The following FAM193A variants were observed in gnomAD, a reference collection of about 807,000 sequenced individuals.
FAM193A encodes protein FAM193A.
Under a neutral mutation model 126.5 loss-of-function variants are expected in FAM193A, and 22 were observed. The ratio of observed to expected loss-of-function variants is 0.17; its 90% CI spans 0.12 to 0.25. The LOEUF (loss-of-function observed/expected upper bound fraction) is 0.25. Ranked by LOEUF, FAM193A falls within the 10% of genes least tolerant of loss-of-function variation. The pLI is 1.00. For synonymous variants in FAM193A, 761 were observed against 646.8 expected, an observed-to-expected ratio of 1.18 and a Z score of -2.68; for missense variants, 1,675 against 1,672.8, an observed-to-expected ratio of 1.00 and a Z score of -0.02.
In FAM193A at chr4:2,694,014, C is replaced by T. The variant is rs181909125; in HGVS notation, c.3092+140C>T. ...TGCCGAGGGAATGCAGGGATGTCCC[C>T]AGCAGAGGCCATGGGTAGAGGGGGG... On this transcript the variant is annotated intron_variant, in intron 16 of 20. Coordinates refer to ENST00000637812, the MANE Select transcript of FAM193A (RefSeq NM_001366318.2). The T allele has an allele frequency of 1.0e-5, 9 of 896,064 alleles. No homozygotes were observed. The African/African-American group carries it at 1.0e-4, about 10-fold the overall frequency. 55.5% of individuals were successfully genotyped at this position (896,064 alleles called of 1,614,324 possible). A position where few individuals can be genotyped will look rare whatever the true frequency, so the allele number is the denominator to read the frequency against.
intron 19 of FAM193A, among the ~76,000 whole-genome samples, chr4:2,700,821 C>A (rs1388298792): frequency 1.3e-5 from 2 of 151,960 alleles, no homozygotes; most frequent in Non-Finnish European, 2.9e-5. Context: ...AAAAAATTAG[C>A]TGGGCTTGGT....
rs139146745 is a variant in FAM193A at position 2,696,757 on chromosome 4, C to T, written c.3507+164C>T. ...TGAGAGCCAGCCTGTCTCTGGTGGC[C>T]TGAACTGGAGACTGGTAAAAAACTT... On this transcript the variant is annotated intron_variant, in intron 18 of 20. Coordinates refer to ENST00000637812, the MANE Select transcript of FAM193A (RefSeq NM_001366318.2). Among the ~76,000 whole-genome samples the T allele has an allele frequency of 9.5e-4, 144 of 152,296 alleles. No individual in the cohort carries two copies. In the Middle Eastern group the frequency reaches 0.048, roughly 50 times the overall value.
At chr4:2,653,651 C>T (rs1248916786) in intron 7 of FAM193A, among the ~76,000 whole-genome samples, 1 of 152,118 alleles carries the variant, frequency 6.6e-6, no homozygotes, top group East Asian at 1.9e-4. Flanking sequence ...ACCCTGTTGG[C>T]CAGGATGGTC....
intron 1 of FAM193A, among the ~76,000 whole-genome samples, chr4:2,553,382 G>GTT (rs71178479): frequency 4.2e-4 from 50 of 119,588 alleles, no homozygotes; most frequent in African/African-American, 1.3e-3. Context: ...CCTTCTTTTT[G>GTT]TTTTTTTTTT....
intron 18 of FAM193A, among the ~76,000 whole-genome samples, chr4:2,698,727 C>A (rs1274889160): frequency 3.3e-5 from 5 of 152,188 alleles, no homozygotes. Flanking sequence ...TGACTCTCAT[C>A]TGCTTTCTGA....
At chr4:2,612,314 A>G (rs190465974) in intron 2 of FAM193A, among the ~76,000 whole-genome samples, 22 of 151,852 alleles carry the variant, frequency 1.4e-4, no homozygotes, top group Admixed American at 1.4e-3. Flanking sequence ...AGCCTGACCA[A>G]CATGGAGTAA....
intron 7 of FAM193A, among the ~76,000 whole-genome samples, chr4:2,647,147 G>GT (rs1308991501): frequency 3.4e-4 from 52 of 151,978 alleles, no homozygotes; most frequent in African/African-American, 1.2e-3. Context: ...CAGGTAGGAG[G>GT]TTTTTCTTTT....
At position 2,631,178 on chromosome 4, in the gene FAM193A, G is replaced by C. The variant is rs763881604; in HGVS notation, c.1038+9G>C. On this transcript the variant is annotated intron_variant, in intron 5 of 20. Transcript: ENST00000637812. ...CCTTCCTTGGCACTCTGGTAAGAGA[G>C]AAAACGTGTTTTTCTTTCTGTTTGG... 4 of 1,590,344 alleles carry C rather than the reference G, an allele frequency of 2.5e-6. No homozygotes were observed. The highest frequency in any genetic ancestry group is 3.4e-6 in the Non-Finnish European group (4 of 1,166,108).
At chr4:2,648,056 A>G (rs1052768836) in intron 7 of FAM193A, among the ~76,000 whole-genome samples, 1 of 151,592 alleles carries the variant, frequency 6.6e-6, no homozygotes, top group Non-Finnish European at 1.5e-5. Flanking sequence ...GCTGTTCTCT[A>G]CTGCAGCCAC....
At chr4:2,585,983 C>CCTGTA (rs1740211995) in intron 1 of FAM193A, among the ~76,000 whole-genome samples, 1 of 151,980 alleles carries the variant, frequency 6.6e-6, no homozygotes, top group African/African-American at 2.4e-5. Context: ...GTGGCTCATG[C>CCTGTA]CTGTAATCTC....
intron 10 of FAM193A, among the ~76,000 whole-genome samples, chr4:2,662,190 TAATAA>T (rs1013388531): frequency 5.9e-5 from 9 of 152,050 alleles, no homozygotes; most frequent in African/African-American, 1.4e-4. Context: ...CTCAAAAAAA[TAATAA>T]AATAAAATAA....
chr4:2,633,257 G>A (rs1743775254), intron 5 of FAM193A, among the ~76,000 whole-genome samples: 1 of 151,648 alleles, frequency 6.6e-6, no homozygotes, highest in Non-Finnish European at 1.5e-5. Context: ...AAATTAGCCG[G>A]GCATGGTGGC....
rs1262852795 is a variant in FAM193A at position 2,596,125 on chromosome 4, C to T, written c.297C>T (p.Tyr99=). 5.7e-6 allele frequency: 4 copies of T among 702,804 alleles called. No individual in the cohort carries two copies. Among genetic ancestry groups the T allele is most frequent in the East Asian group, 2.7e-5 (1 of 37,298 alleles). The allele number at this position is 702,804 out of a possible 1,614,324, so 43.5% of individuals were successfully genotyped here. ...GCATGAATCATAGGACACCACCCTA[C>T]CCTGCTGGGGATTATTGTCTTCTGT... The part of the protein sequence containing the change: ...SFGMNHRTPP[Y]PAGDYCLLCR... The change falls in exon 2 of 21, where the codon TAC becomes TAT. Residue 99 remains tyrosine, a synonymous_variant. Coordinates refer to ENST00000637812, the MANE Select transcript of FAM193A (RefSeq NM_001366318.2).
At chr4:2,614,910 C>G (rs1329855236) in intron 2 of FAM193A, among the ~76,000 whole-genome samples, 2 of 152,134 alleles carry the variant, frequency 1.3e-5, no homozygotes, top group Non-Finnish European at 2.9e-5. Flanking sequence ...TTTTTAATTT[C>G]CATAGGATCT....
chr4:2,583,835 C>T (rs1740084831), intron 1 of FAM193A, among the ~76,000 whole-genome samples: 1 of 152,172 alleles, frequency 6.6e-6, no homozygotes, highest in Non-Finnish European at 1.5e-5. Flanking sequence ...CCAGCAGGTT[C>T]AGAAACAGTC....
At chr4:2,720,752 C>T (rs1720049009) in intron 20 of FAM193A, among the ~76,000 whole-genome samples, 1 of 152,082 alleles carries the variant, frequency 6.6e-6, no homozygotes, top group South Asian at 2.1e-4. Flanking sequence ...CTCTCACTAT[C>T]CACAGATAAA....
Position 2,550,985 on chromosome 4 carries a change from A to G in FAM193A, c.255+13815A>G, listed in dbSNP as rs534614555. 2.6e-4 allele frequency among the ~76,000 whole-genome samples: 39 copies of G among 152,050 alleles called. 2 individuals carry two copies. The South Asian group carries it at 7.9e-3, about 31-fold the overall frequency. On this transcript the variant is annotated intron_variant, in intron 1 of 20. Coordinates refer to ENST00000637812, the MANE Select transcript of FAM193A (RefSeq NM_001366318.2). ...CTGGGTAATTTTTTATATTTTTAGT[A>G]GAGATGGGGTTTCACCATGTTAGCC...
At chr4:2,604,147 G>A (rs1271726998) in intron 2 of FAM193A, among the ~76,000 whole-genome samples, 1 of 152,266 alleles carries the variant, frequency 6.6e-6, no homozygotes, top group South Asian at 2.1e-4. Flanking sequence ...CCAGCCACTT[G>A]AATTACTTTT....
At chr4:2,586,312 G>A (rs896085978) in intron 1 of FAM193A, among the ~76,000 whole-genome samples, 1 of 151,886 alleles carries the variant, frequency 6.6e-6, no homozygotes, top group Non-Finnish European at 1.5e-5. Context: ...AGTGCTTTTG[G>A]TGTCTTGAAA....
Sources: allele counts gnomAD v4.1 joint callset (sites outside exome capture counted in the v4.1 genomes callset), GRCh38; gene constraint gnomAD v4.1.1; transcripts MANE v1.5; gene names NCBI Gene and HGNC (gene_info 2026-07-23, HGNC 2026-07-21).